The following MAX variants were observed in gnomAD, a reference collection of about 807,000 sequenced individuals.
The protein encoded by MAX is MYC associated transcriptional regulator X, also known as protein max.
A neutral mutation model predicts 22.3 loss-of-function variants in MAX; 3 were observed. That is an observed-to-expected ratio of 0.13 (90% CI 0.06 to 0.35). MAX has a LOEUF of 0.35. MAX is among the 10% of genes least tolerant of loss of function. The pLI is 1.00. For synonymous variants in MAX, 72 were observed against 77.7 expected (o/e 0.93, Z 0.39); for missense variants, 119 against 209.4 (o/e 0.57, Z 2.66).
Position 65,077,661 on chromosome 14 carries a change from G to T in MAX, c.295+252C>A. 1 of 1,461,488 alleles carries T rather than the reference G, an allele frequency of 6.8e-7. No homozygotes were observed. 90.5% of individuals were successfully genotyped at this position (1,461,488 alleles called of 1,614,324 possible). A position where few individuals can be genotyped will look rare whatever the true frequency, so the allele number is the denominator to read the frequency against. On this transcript the variant is annotated intron_variant, in intron 4 of 4. Coordinates refer to ENST00000358664, the MANE Select transcript of MAX (RefSeq NM_002382.5). The surrounding 1 kb of genome is among the most constrained non-coding windows in gnomAD (Gnocchi z 6.3). ...CAGAGCACCTGAGCCCCAAGAAGGG[G>T]AGAGGTCAGGCCAGAAAAGATACAA...
At chr14:65,043,544 C>T (rs1023904634) in intron 3 of MAX, among the ~76,000 whole-genome samples, 7 of 152,118 alleles carry the variant, frequency 4.6e-5, no homozygotes, top group Non-Finnish European at 8.8e-5. Flanking sequence ...AGTACCAGGC[C>T]GGGCACGGTG....
intron 3 of MAX, among the ~76,000 whole-genome samples, chr14:65,043,493 A>G (rs954489667): frequency 1.3e-5 from 2 of 152,194 alleles, no homozygotes; most frequent in Non-Finnish European, 2.9e-5. Context: ...CCAGGTGCCA[A>G]GTAAAAGTCA....
In MAX at chr14:65,047,418, C is replaced by T. The variant is rs568660462; in HGVS notation, c.172-41134G>A. 5.9e-5 allele frequency among the ~76,000 whole-genome samples: 9 copies of T among 152,260 alleles called. No individual in the cohort carries two copies. Among genetic ancestry groups the T allele is most frequent in the African/African-American group, 7.2e-5 (3 of 41,564 alleles). On this transcript the variant is annotated intron_variant, in intron 3 of 3. Coordinates refer to the MAX transcript ENST00000341653. The surrounding 1 kb of genome is among the most constrained non-coding windows in gnomAD (Gnocchi z 5.2). ...CCACAGTAGGTGGCCATTAATCCAACGAAAAATTGTTTAGCTCACTTGTAG... is the reference window on the plus strand; with the variant it reads ...CCACAGTAGGTGGCCATTAATCCAATGAAAAATTGTTTAGCTCACTTGTAG...
At chr14:65,057,115 T>C (rs1269260474) in intron 3 of MAX, among the ~76,000 whole-genome samples, 1 of 152,140 alleles carries the variant, frequency 6.6e-6, no homozygotes, top group African/African-American at 2.4e-5. Context: ...ACCAAGGCAC[T>C]CCTGAGGGAT....
downstream of MAX, among the ~76,000 whole-genome samples, chr14:65,074,817 T>C (rs1005737907): frequency 5.3e-5 from 8 of 152,244 alleles, no homozygotes; most frequent in Admixed American, 2.0e-4. Flanking sequence ...AGCTCTGGGC[T>C]ACCAATTCCC....
At position 65,102,443 on chromosome 14, in the gene MAX, ACACACT is replaced by A; in HGVS notation, c.-110_-105del. ...ACAACAAGCCGAGTCCCCCCCACAC[ACACACT>A]CACTCACTCACTCACTCGCTCTCTC... On this transcript the variant is annotated 5_prime_UTR_variant, in exon 1 of 5. Coordinates refer to ENST00000358664, the MANE Select transcript of MAX (RefSeq NM_002382.5). 2 of 1,549,784 alleles carry A rather than the reference ACACACT, an allele frequency of 1.3e-6. No individual in the cohort carries two copies. Among genetic ancestry groups the A allele is most frequent in the Non-Finnish European group, 8.7e-7 (1 of 1,149,876 alleles).
chr14:65,043,352 T>C (rs889571405), intron 3 of MAX, among the ~76,000 whole-genome samples: 3 of 152,222 alleles, frequency 2.0e-5, no homozygotes, highest in African/African-American at 4.8e-5. Context: ...AGACCTATTT[T>C]ACAGCTTCAA....
rs767495157 is a variant in MAX, at chr14:65,077,431, G to A, written c.295+482C>T. On this transcript the variant is annotated intron_variant, in intron 4 of 4. Transcript: ENST00000358664. This position sits in a 1 kb window ranked among gnomAD's most constrained non-coding sequence, Gnocchi z 6.3. Reference sequence around the variant, plus strand: ...ACTTGATCAGCTCTCGCTTTCCCCTGTGGTTGTAGGAAAAGGCGGGTGTGA... The same window carrying A: ...ACTTGATCAGCTCTCGCTTTCCCCTATGGTTGTAGGAAAAGGCGGGTGTGA... 1.9e-6 allele frequency: 3 copies of A among 1,600,878 alleles called. No homozygotes were observed. The highest frequency in any genetic ancestry group is 1.1e-5 in the South Asian group (1 of 90,792).
rs540865085 is a variant in MAX at position 65,102,496 on chromosome 14, G to C, written c.-157C>G. On this transcript the variant is annotated 5_prime_UTR_variant, in exon 1 of 5. Transcript: ENST00000358664. ...TCTCACTCACACACACACACAACAC[G>C]GGCAAGAACCACCTCCTCACTGCAG... 9.2e-5 allele frequency: 137 copies of C among 1,488,962 alleles called. No individual in the cohort carries two copies. Among genetic ancestry groups the C allele is most frequent in the Middle Eastern group, 4.8e-4 (2 of 4,192 alleles). The allele number at this position is 1,488,962 out of a possible 1,614,324, so 92.2% of individuals were successfully genotyped here. A position where few individuals can be genotyped will look rare whatever the true frequency, so the allele number is the denominator to read the frequency against.
chr14:65,058,083 C>T lies in MAX; in HGVS notation c.171+35625G>A, dbSNP rs184086944. On this transcript the variant is annotated intron_variant, in intron 3 of 3. Transcript: ENST00000341653. Reference sequence around the variant, plus strand: ...TGGGATTTTTATTGGAATTGCACTACATTTTAGATTAATAGGAGAGAACCA... The same window carrying T: ...TGGGATTTTTATTGGAATTGCACTATATTTTAGATTAATAGGAGAGAACCA... 2.0e-3 allele frequency among the ~76,000 whole-genome samples: 298 copies of T among 151,634 alleles called. 1 individual carries two copies. In the Middle Eastern group the frequency reaches 0.041, roughly 21 times the overall value.
At position 65,044,172 on chromosome 14, in the gene MAX, C is replaced by A; in HGVS notation, c.172-37888G>T. On this transcript the variant is annotated intron_variant, in intron 3 of 3. Coordinates refer to the MAX transcript ENST00000341653. This position sits in a 1 kb window ranked among gnomAD's most constrained non-coding sequence, Gnocchi z 5.5. ...AGTGTGGGGAGGGAAGGAAAGAAAACCAGAGCACCAAAACTAGAGTGCCAA... is the reference window on the plus strand; with the variant it reads ...AGTGTGGGGAGGGAAGGAAAGAAAAACAGAGCACCAAAACTAGAGTGCCAA... 2.0e-6 allele frequency: 3 copies of A among 1,464,568 alleles called. No homozygotes were observed. Among genetic ancestry groups the A allele is most frequent in the Non-Finnish European group, 9.4e-7 (1 of 1,067,658 alleles). The allele number at this position is 1,464,568 out of a possible 1,614,324, so 90.7% of individuals were successfully genotyped here.
chr14:65,061,557 G>A (rs1399236684), intron 3 of MAX: 2 of 505,826 alleles, frequency 4.0e-6, no homozygotes, highest in Admixed American at 3.3e-5. Context: ...TGTGGTTGGT[G>A]AACAGTGCAT....
chr14:65,101,773 C>A, intron 1 of MAX: 1 of 595,544 alleles, frequency 1.7e-6, no homozygotes, highest in Middle Eastern at 4.5e-4. Flanking sequence ...GGGTCCCGAG[C>A]GCCGCCCCTC....
intron 3 of MAX, chr14:65,061,362 A>C (rs1336503907): frequency 6.2e-7 from 1 of 1,611,060 alleles, no homozygotes; most frequent in South Asian, 1.1e-5. Context: ...CCAGTCAGAC[A>C]AGGTTTATAC....
At position 65,093,395 on chromosome 14, in the gene MAX, G is replaced by T; in HGVS notation, c.171+313C>A. On this transcript the variant is annotated intron_variant, in intron 3 of 4. Transcript: ENST00000358664. The surrounding 1 kb of genome is among the most constrained non-coding windows in gnomAD (Gnocchi z 4.4). Reference sequence around the variant, plus strand: ...TGGAATCTTTACTGTTATCCCAAACGAACTCTTGGCCACTCTTTATACTAT... The same window carrying T: ...TGGAATCTTTACTGTTATCCCAAACTAACTCTTGGCCACTCTTTATACTAT... 1 of 359,910 alleles carries T rather than the reference G, an allele frequency of 2.8e-6. No individual in the cohort carries two copies. The highest frequency in any genetic ancestry group is 5.3e-6 in the Non-Finnish European group (1 of 187,480). 22.3% of individuals were successfully genotyped at this position (359,910 alleles called of 1,614,324 possible). A position where few individuals can be genotyped will look rare whatever the true frequency, so the allele number is the denominator to read the frequency against.
At chr14:65,041,103 C>A (rs1406074263) in intron 3 of MAX, among the ~76,000 whole-genome samples, 1 of 152,148 alleles carries the variant, frequency 6.6e-6, no homozygotes, top group South Asian at 2.1e-4. Flanking sequence ...TTTCTGTCTT[C>A]CTGCTTAGAG....
rs1212785621 is a variant in MAX at position 65,030,948 on chromosome 14, C to T, written c.172-24664G>A. 1.3e-5 allele frequency among the ~76,000 whole-genome samples: 2 copies of T among 152,102 alleles called. No individual in the cohort carries two copies. The highest frequency in any genetic ancestry group is 1.9e-4 in the East Asian group (1 of 5,180). On this transcript the variant is annotated intron_variant, in intron 3 of 3. Transcript: ENST00000341653. The surrounding 1 kb of genome is among the most constrained non-coding windows in gnomAD (Gnocchi z 4.5). Reference sequence around the variant, plus strand: ...TCGGTCTCCCAAGTAGCTGGGATTACAGGCGTGTGCCACCATGCCCAGCTA... The same window carrying T: ...TCGGTCTCCCAAGTAGCTGGGATTATAGGCGTGTGCCACCATGCCCAGCTA...
In MAX at chr14:65,054,413, G is replaced by A. The variant is rs1384119164; in HGVS notation, c.171+39295C>T. ...GTGTGAGCCACTGTGCTCAGCCAGT[G>A]GGGCTTTAAATAACACTGCTGGGAA... On this transcript the variant is annotated intron_variant, in intron 3 of 3. Coordinates refer to the MAX transcript ENST00000341653. This position sits in a 1 kb window ranked among gnomAD's most constrained non-coding sequence, Gnocchi z 4.4. Among the ~76,000 whole-genome samples the A allele has an allele frequency of 6.6e-6, 1 of 151,618 alleles. No homozygotes were observed. Among genetic ancestry groups the A allele is most frequent in the Non-Finnish European group, 1.5e-5 (1 of 67,980 alleles).
At chr14:65,101,810 G>T in intron 1 of MAX, 1 of 584,534 alleles carries the variant, frequency 1.7e-6, no homozygotes, top group Non-Finnish European at 3.0e-6. Context: ...TGGGCCAGAG[G>T]GGTCCCGAGC....
Sources: allele counts gnomAD v4.1 joint callset (sites outside exome capture counted in the v4.1 genomes callset), GRCh38; gene constraint gnomAD v4.1.1; non-coding constraint Gnocchi (gnomAD v3.1); transcripts MANE v1.5; gene names NCBI Gene and HGNC (gene_info 2026-07-23, HGNC 2026-07-21).